SCPEP1: variants seen among roughly 807,000 people sequenced by gnomAD.
SCPEP1 encodes serine carboxypeptidase 1.
A neutral mutation model predicts 63.8 loss-of-function variants in SCPEP1; 51 were observed. That is an observed-to-expected ratio of 0.80 (90% confidence interval 0.64 to 1.01). The LOEUF is 1.01. Ranked by LOEUF, SCPEP1 falls within the 50% of genes least tolerant of loss-of-function variation. The pLI, the probability that SCPEP1 is intolerant of heterozygous loss-of-function variation, is 0.00. For synonymous variants in SCPEP1, 204 were observed against 207.8 expected (o/e 0.98, Z 0.16); for missense variants, 499 against 554.9 (o/e 0.90, Z 1.01).
chr17:56,994,820 C>T (rs1269621356), intron 6 of SCPEP1, 161 bp from the exon 7 acceptor site: 23 of 580,938 alleles, frequency 4.0e-5, no homozygotes, highest in Admixed American at 3.5e-4. Flanking sequence ...GACATCAGCC[C>T]GCCTCCTGCA....
At chr17:56,990,083 A>G (rs1479674267) in intron 5 of SCPEP1, among the ~76,000 whole-genome samples, 5 of 152,222 alleles carry the variant, frequency 3.3e-5, no homozygotes, top group Non-Finnish European at 2.9e-5. Context: ...AGAGAGCTAT[A>G]TATACTGAGT....
At chr17:56,989,833 G>A (rs1404452466) in intron 5 of SCPEP1, among the ~76,000 whole-genome samples, 1 of 152,194 alleles carries the variant, frequency 6.6e-6, no homozygotes, top group African/African-American at 2.4e-5. Context: ...TGTAATCCCA[G>A]CTACTAGGGA....
intron 6 of SCPEP1, 142 bp from the exon 7 acceptor site, chr17:56,994,839 G>A (rs565874031): frequency 1.2e-4 from 85 of 685,610 alleles, no homozygotes; most frequent in Admixed American, 4.3e-4. Context: ...CATGGGTACA[G>A]GTGAATTGAG....
intron 12 of SCPEP1, among the ~76,000 whole-genome samples, chr17:57,005,212 G>C (rs1327251866): frequency 6.6e-6 from 1 of 152,186 alleles, no homozygotes; most frequent in Admixed American, 6.5e-5. Context: ...TGGAATTGTG[G>C]AGCATTTTGG....
chr17:56,995,536 G>C lies in SCPEP1; in HGVS notation c.687G>C (p.Glu229Asp). 2 of 1,613,750 alleles carry C rather than the reference G, an allele frequency of 1.2e-6. No homozygotes were observed. The highest frequency in any genetic ancestry group is 8.5e-7 in the Non-Finnish European group (1 of 1,179,832). Residue 229 changes from glutamate to aspartate, a missense_variant, in exon 8 of 13, where the codon GAG becomes GAC. Coordinates refer to ENST00000262288, the MANE Select transcript of SCPEP1 (RefSeq NM_021626.3). Reference sequence around the variant, plus strand: ...TTCTCGAAGACAAAGGTCTGGCAGAGGTGTCTAAGGTTGCAGAGCAAGTAC... The same window carrying C: ...TTCTCGAAGACAAAGGTCTGGCAGACGTGTCTAAGGTTGCAGAGCAAGTAC... ...MSLLEDKGLA[E>D]VSKVAEQVLN...
rs1377539425 is a variant in SCPEP1 at position 56,991,043 on chromosome 17, A to T, written c.547-56A>T. The T allele has an allele frequency of 3.1e-6, 4 of 1,282,906 alleles. No individual in the cohort carries two copies. The African/African-American group carries it at 4.4e-5, about 14-fold the overall frequency. 79.5% of individuals were successfully genotyped at this position (1,282,906 alleles called of 1,614,324 possible). On this transcript the variant is annotated intron_variant, in intron 5 of 12. Coordinates refer to ENST00000262288, the MANE Select transcript of SCPEP1 (RefSeq NM_021626.3). Reference sequence around the variant, plus strand: ...TGCCTAAGCTTCCCAAAGTGTTGGGATTACTGCGTGAGCCACTGCACCTGG... The same window carrying T: ...TGCCTAAGCTTCCCAAAGTGTTGGGTTTACTGCGTGAGCCACTGCACCTGG...
chr17:56,978,476 T>C (rs1910981052), intron 1 of SCPEP1, among the ~76,000 whole-genome samples: 1 of 151,886 alleles, frequency 6.6e-6, no homozygotes, highest in African/African-American at 2.4e-5. Flanking sequence ...TACGCCTAGA[T>C]AGAAGCTGTG....
At chr17:56,994,041 A>G (rs1056281492) in intron 6 of SCPEP1, among the ~76,000 whole-genome samples, 5 of 152,336 alleles carry the variant, frequency 3.3e-5, no homozygotes, top group Middle Eastern at 3.4e-3. Context: ...GTACTCTAAA[A>G]GAATACCAGT....
Position 57,006,538 on chromosome 17 carries a change from G to A in SCPEP1, c.*303G>A, listed in dbSNP as rs1023723412. 1.5e-4 allele frequency: 30 copies of A among 200,588 alleles called. No homozygotes were observed. Among genetic ancestry groups the A allele is most frequent in the African/African-American group, 6.5e-4 (28 of 43,150 alleles). 12.4% of individuals were successfully genotyped at this position (200,588 alleles called of 1,614,324 possible). ...AAATGATGTGATTTATAGAAAAACT[G>A]GGAAATACAGGTACCCAAAGAGTAA... On this transcript the variant is annotated 3_prime_UTR_variant, in exon 13 of 13. Coordinates refer to ENST00000262288, the MANE Select transcript of SCPEP1 (RefSeq NM_021626.3).
At chr17:56,997,375 T>C (rs1911600590) in intron 9 of SCPEP1, among the ~76,000 whole-genome samples, 1 of 152,194 alleles carries the variant, frequency 6.6e-6, no homozygotes. Flanking sequence ...ATAAATACAA[T>C]CGCACAATAG....
chr17:56,995,544 A>C lies in SCPEP1; in HGVS notation c.695A>C (p.Lys232Thr). 3.1e-6 allele frequency: 5 copies of C among 1,614,036 alleles called. No homozygotes were observed. Among genetic ancestry groups the C allele is most frequent in the Non-Finnish European group, 4.2e-6 (5 of 1,179,972 alleles). Residue 232 changes from lysine to threonine, a missense_variant, in exon 8 of 13, where the codon AAG becomes ACG. Transcript: ENST00000262288. ...GACAAAGGTCTGGCAGAGGTGTCTA[A>C]GGTTGCAGAGCAAGTACTGAATGCC... ...LEDKGLAEVS[K>T]VAEQVLNAVN...
intron 6 of SCPEP1, among the ~76,000 whole-genome samples, chr17:56,992,620 C>T (rs1911433625): frequency 6.6e-6 from 1 of 152,156 alleles, no homozygotes; most frequent in South Asian, 2.1e-4. Flanking sequence ...CACAGTAGCA[C>T]TAAGTACTTT....
intron 12 of SCPEP1, 132 bp downstream of exon 12, chr17:57,002,313 C>G (rs1911764334): frequency 1.2e-6 from 1 of 815,506 alleles, no homozygotes; most frequent in Non-Finnish European, 1.9e-6. Flanking sequence ...GGTACAGTGG[C>G]TCATGCCTGT....
intron 1 of SCPEP1, among the ~76,000 whole-genome samples, chr17:56,979,501 A>C (rs1041657965): frequency 6.8e-6 from 1 of 147,028 alleles, no homozygotes; most frequent in African/African-American, 2.5e-5. Context: ...GTTTTGGAGG[A>C]AAAAAAAAAA....
chr17:56,988,352 G>A (rs1911287709), intron 5 of SCPEP1, 62 bp downstream of exon 5: 34 of 1,235,586 alleles, frequency 2.8e-5, no homozygotes, highest in South Asian at 6.3e-5. Context: ...TTACTTTTAT[G>A]TACTCACGTG....
chr17:56,998,053 C>G (rs756111528), intron 9 of SCPEP1: 1 of 271,966 alleles, frequency 3.7e-6, no homozygotes, highest in Non-Finnish European at 7.3e-6. Context: ...GTGGCTCACA[C>G]CTGTAATCCC....
intron 6 of SCPEP1, among the ~76,000 whole-genome samples, chr17:56,991,559 A>C (rs907114330): frequency 6.6e-6 from 1 of 152,190 alleles, no homozygotes; most frequent in Admixed American, 6.5e-5. Flanking sequence ...TGATGCTGAC[A>C]TAAGTGTTTG....
chr17:56,978,200 T>TGCTGCTGCTGCC lies in SCPEP1; in HGVS notation c.52_63dup (p.Pro18_Leu21dup), dbSNP rs752707116. On this transcript the variant is annotated inframe_insertion, in exon 1 of 13. Coordinates refer to ENST00000262288, the MANE Select transcript of SCPEP1 (RefSeq NM_021626.3). ...CGGCGCTCTCCCGTCCCGCGGTGGT[T>TGCTGCTGCTGCC]GCTGCTGCTGCCGCTGCTGCTGGGC... 4.5e-6 allele frequency: 7 copies of TGCTGCTGCTGCC among 1,563,340 alleles called. No homozygotes were observed. The Admixed American group carries it at 5.3e-5, about 12-fold the overall frequency.
At chr17:56,997,098 C>A in intron 9 of SCPEP1, 43 bp downstream of exon 9, 3 of 1,214,630 alleles carry the variant, frequency 2.5e-6, no homozygotes, top group Admixed American at 2.5e-5. Context: ...CCTCAGCCTC[C>A]ATGCAAAAAG....
Sources: allele counts gnomAD v4.1 joint callset (sites outside exome capture counted in the v4.1 genomes callset), GRCh38; gene constraint gnomAD v4.1.1; transcripts MANE v1.5; gene names NCBI Gene and HGNC (gene_info 2026-07-23, HGNC 2026-07-21).